PEX7: variants seen among roughly 807,000 people sequenced by gnomAD.
PEX7 encodes the protein PTS2 receptor.
PEX7 carries 34 observed loss-of-function variants against 47.5 expected under a neutral mutation model. The ratio of observed to expected loss-of-function variants is 0.72; its 90% CI spans 0.54 to 0.95. The LOEUF is 0.95. Ranked by LOEUF, PEX7 falls within the 40% of genes least tolerant of loss-of-function variation. PEX7 has a pLI of 0.00. For missense variants in PEX7, 394 were observed against 400.3 expected, an observed-to-expected ratio of 0.98 and a Z score of 0.13; for synonymous variants, 141 against 148.8, an observed-to-expected ratio of 0.95 and a Z score of 0.38.
chr6:136,852,895 A>G (rs1774785219), intron 5 of PEX7, among the ~76,000 whole-genome samples: 1 of 110,772 alleles, frequency 9.0e-6, no homozygotes, highest in Non-Finnish European at 1.8e-5. Flanking sequence ...GCATCACACT[A>G]CCTGACTTCA....
chr6:136,873,373 A>C (rs1163665264), intron 8 of PEX7, among the ~76,000 whole-genome samples: 4 of 152,160 alleles, frequency 2.6e-5, no homozygotes, highest in African/African-American at 9.6e-5. Context: ...CTAGAGAATT[A>C]ATGTCTGGTA....
In PEX7 at chr6:136,845,761, C is replaced by T. The variant is rs903484455; in HGVS notation, c.417+69C>T. ...TAGAGCTTCCACTAAATTTTCTTCTCTTTTTCCAACATACTTCTGTAGCTC... is the reference window on the plus strand; with the variant it reads ...TAGAGCTTCCACTAAATTTTCTTCTTTTTTTCCAACATACTTCTGTAGCTC... On this transcript the variant is annotated intron_variant, in intron 4 of 9. Coordinates refer to ENST00000318471, the MANE Select transcript of PEX7 (RefSeq NM_000288.4). 7 of 959,790 alleles carry T rather than the reference C, an allele frequency of 7.3e-6. No individual in the cohort carries two copies. In the South Asian group the frequency reaches 9.0e-5, roughly 12 times the overall value. 59.5% of individuals were successfully genotyped at this position (959,790 alleles called of 1,614,324 possible). A position where few individuals can be genotyped will look rare whatever the true frequency, so the allele number is the denominator to read the frequency against.
rs1774381784 is a variant in PEX7 at position 136,836,221 on chromosome 6, T to A, written c.340-9394T>A. ...AGAGCTATGTAAATATATGTAAAAT[T>A]TGTTTTACATAAAGAGAGGAATAGA... On this transcript the variant is annotated intron_variant, in intron 3 of 9. Transcript: ENST00000318471. Among the ~76,000 whole-genome samples, 4 of 103,494 alleles carry A rather than the reference T, an allele frequency of 3.9e-5. No homozygotes were observed. In the South Asian group the frequency reaches 1.3e-3, roughly 33 times the overall value. The allele number at this position is 103,494 out of a possible 152,430, so 67.9% of individuals were successfully genotyped here.
chr6:136,823,463 C>CG, intron 1 of PEX7: 1 of 554,302 alleles, frequency 1.8e-6, no homozygotes, highest in Non-Finnish European at 2.3e-6. Flanking sequence ...GAGGCTGAGG[C>CG]GGGAGGATCG....
At chr6:136,847,270 G>A (rs1464898812) in intron 5 of PEX7, among the ~76,000 whole-genome samples, 2 of 152,140 alleles carry the variant, frequency 1.3e-5, no homozygotes, top group African/African-American at 2.4e-5. Context: ...GTAGATTGCA[G>A]AAATTTTCTC....
chr6:136,887,913 A>C (rs930647288), intron 8 of PEX7, among the ~76,000 whole-genome samples: 8 of 152,134 alleles, frequency 5.3e-5, no homozygotes, highest in Admixed American at 4.6e-4. Context: ...TAAAATCTTA[A>C]AGCAGAGGAT....
chr6:136,844,817 C>T (rs190836869), intron 3 of PEX7, among the ~76,000 whole-genome samples: 2 of 152,262 alleles, frequency 1.3e-5, no homozygotes, highest in East Asian at 3.9e-4. Context: ...GAGAAAGTAA[C>T]CCACATGTAA....
chr6:136,823,359 G>C, intron 1 of PEX7: 1 of 985,280 alleles, frequency 1.0e-6, no homozygotes. Flanking sequence ...GTTGTCTAAC[G>C]AGGAATGCAC....
chr6:136,883,631 C>T (rs1775417467), intron 8 of PEX7, among the ~76,000 whole-genome samples: 1 of 152,046 alleles, frequency 6.6e-6, no homozygotes, highest in Non-Finnish European at 1.5e-5. Flanking sequence ...TTTTACATGC[C>T]CGTTCTAAAT....
chr6:136,906,262 T>C (rs1336029590), intron 9 of PEX7, among the ~76,000 whole-genome samples: 2 of 152,184 alleles, frequency 1.3e-5, no homozygotes, highest in Non-Finnish European at 2.9e-5. Flanking sequence ...AAATAGAATA[T>C]AAAATTTTAA....
intron 6 of PEX7, among the ~76,000 whole-genome samples, chr6:136,869,628 A>G (rs981711240): frequency 3.3e-5 from 5 of 152,196 alleles, no homozygotes; most frequent in Non-Finnish European, 7.3e-5. Flanking sequence ...TGCTGTTTGG[A>G]ACTATGCCTT....
chr6:136,860,009 T>C lies in PEX7; in HGVS notation c.527-6618T>C, dbSNP rs530529392. Among the ~76,000 whole-genome samples the C allele has an allele frequency of 4.0e-4, 59 of 148,980 alleles. 1 individual carries two copies. The highest frequency in any genetic ancestry group is 1.5e-3 in the Admixed American group (23 of 14,920). On this transcript the variant is annotated intron_variant, in intron 5 of 9. Coordinates refer to ENST00000318471, the MANE Select transcript of PEX7 (RefSeq NM_000288.4). ...GCCTGGGTGACAGAGTTAGACTCTG[T>C]CTCAGAAAAAAAAAAAAAGAAAAAA...
At chr6:136,904,488 T>A (rs1431091567) in intron 9 of PEX7, among the ~76,000 whole-genome samples, 6 of 152,074 alleles carry the variant, frequency 3.9e-5, no homozygotes, top group Admixed American at 3.9e-4. Flanking sequence ...GAATTGTAAC[T>A]CCCACAATTC....
chr6:136,877,521 T>C (rs1409620975), intron 8 of PEX7, among the ~76,000 whole-genome samples: 1 of 152,216 alleles, frequency 6.6e-6, no homozygotes, highest in African/African-American at 2.4e-5. Flanking sequence ...CAGTTTCAGT[T>C]TTCTGCATAT....
intron 9 of PEX7, among the ~76,000 whole-genome samples, chr6:136,904,830 C>G (rs1321401024): frequency 6.6e-6 from 1 of 152,084 alleles, no homozygotes; most frequent in Non-Finnish European, 1.5e-5. Flanking sequence ...TTATGGCATC[C>G]CTTCACTGTT....
chr6:136,847,208 AT>A (rs1774621232), intron 5 of PEX7, among the ~76,000 whole-genome samples: 1 of 892 alleles, frequency 1.1e-3, no homozygotes, highest in South Asian at 0.1. Context: ...TTTCTTGTAA[AT>A]TTGTTTTTAA....
chr6:136,899,080 C>CTT (rs71547049), intron 9 of PEX7, among the ~76,000 whole-genome samples: 41,987 of 111,846 alleles, frequency 0.38, 8,451 homozygotes, highest in South Asian at 0.5. Context: ...TTTTTCTTTT[C>CTT]TTTTTTTTTT....
chr6:136,832,505 G>A (rs946353240), intron 3 of PEX7, among the ~76,000 whole-genome samples: 3 of 152,200 alleles, frequency 2.0e-5, no homozygotes, highest in Non-Finnish European at 4.4e-5. Context: ...AATTTCTGCA[G>A]CAGGTTTGAA....
intron 8 of PEX7, among the ~76,000 whole-genome samples, chr6:136,876,037 A>T (rs1775265968): frequency 8.2e-6 from 1 of 122,260 alleles, no homozygotes; most frequent in Non-Finnish European, 1.7e-5. Flanking sequence ...CAATTCTTTC[A>T]TTAAATTTTT....
Sources: allele counts gnomAD v4.1 joint callset (sites outside exome capture counted in the v4.1 genomes callset), GRCh38; gene constraint gnomAD v4.1.1; transcripts MANE v1.5; gene names NCBI Gene and HGNC (gene_info 2026-07-23, HGNC 2026-07-21).